SLC9A5: variants seen among roughly 807,000 people sequenced by gnomAD.
The protein encoded by SLC9A5 is sodium/hydrogen exchanger 5.
In SLC9A5, 52 loss-of-function variants were observed where a neutral mutation model predicts 91.7. The ratio of observed to expected loss-of-function variants is 0.57; its 90% CI spans 0.45 to 0.71. SLC9A5 has a LOEUF of 0.71. Among genes scored for constraint, SLC9A5 ranks in the 30% least tolerant of loss-of-function variants. The pLI, the probability that SLC9A5 is intolerant of heterozygous loss-of-function variation, is 0.00. For missense variants in SLC9A5, 871 were observed against 1,158.9 expected, an observed-to-expected ratio of 0.75 and a Z score of 3.61; for synonymous variants, 419 against 474.5, an observed-to-expected ratio of 0.88 and a Z score of 1.52.
At chr16:67,251,973 C>T (rs1209835007) in intron 1 of SLC9A5, among the ~76,000 whole-genome samples, 4 of 152,010 alleles carry the variant, frequency 2.6e-5, no homozygotes, top group Non-Finnish European at 5.9e-5. Context: ...AGGTGAGGTC[C>T]CCTGAGGATG....
chr16:67,250,473 T>A (rs1259737688), intron 1 of SLC9A5, among the ~76,000 whole-genome samples: 1 of 152,162 alleles, frequency 6.6e-6, no homozygotes, highest in African/African-American at 2.4e-5. Flanking sequence ...AGCCAACGAT[T>A]GGGTTTGCTA....
intron 14 of SLC9A5, 26 bp from the exon 15 acceptor site, chr16:67,266,062 C>T (rs1037935374): frequency 9.9e-6 from 16 of 1,608,592 alleles, no homozygotes; most frequent in Non-Finnish European, 1.0e-5. Context: ...CCCAGGATGC[C>T]TGACTCTGCT....
chr16:67,255,652 G>T lies in SLC9A5; in HGVS notation c.734-101G>T, dbSNP rs1457438670. On this transcript the variant is annotated intron_variant, in intron 4 of 15. Transcript: ENST00000299798. This position sits in a 1 kb window ranked among gnomAD's most constrained non-coding sequence, Gnocchi z 4.9. ...GCTCTGGGGTTTTGAGCCCCTGGGA[G>T]TGCGGTGGGCATCATCCCTCACTCC... 5.8e-6 allele frequency: 8 copies of T among 1,378,822 alleles called. 1 individual carries two copies. The African/African-American group carries it at 8.6e-5, about 15-fold the overall frequency. 85.4% of individuals were successfully genotyped at this position (1,378,822 alleles called of 1,614,324 possible). A position where few individuals can be genotyped will look rare whatever the true frequency, so the allele number is the denominator to read the frequency against.
rs535603749 is a variant in SLC9A5 at position 67,256,869 on chromosome 16, A to G, written c.1133-42A>G. 1.9e-6 allele frequency: 3 copies of G among 1,594,580 alleles called. No individual in the cohort carries two copies. Among genetic ancestry groups the G allele is most frequent in the African/African-American group, 1.3e-5 (1 of 74,366 alleles). On this transcript the variant is annotated intron_variant, in intron 6 of 15. Coordinates refer to ENST00000299798, the MANE Select transcript of SLC9A5 (RefSeq NM_004594.3). This position sits in a 1 kb window ranked among gnomAD's most constrained non-coding sequence, Gnocchi z 4.1. ...GGTCCCATCCGGTCCCACGTCCTCC[A>G]CTCCCAACGCTTTGCTCCCACTGGC...
chr16:67,264,393 G>A lies in SLC9A5; in HGVS notation c.1884G>A (p.Ala628=), dbSNP rs369514722. Residue 628 remains alanine, a synonymous_variant, in exon 13 of 16, where the codon GCG becomes GCA. Coordinates refer to ENST00000299798, the MANE Select transcript of SLC9A5 (RefSeq NM_004594.3). The stretch of plus-strand genomic sequence containing the variant: ...GTCGCCACTTCATCTCAGAGGATGC[G>A]CAGGAGCGGCAGGACAAGGAGGTCT... ...SCSRHFISED[A]QERQDKEVFQ... 6.8e-6 allele frequency: 11 copies of A among 1,614,000 alleles called. No homozygotes were observed. The African/African-American group carries it at 9.3e-5, about 14-fold the overall frequency.
At chr16:67,253,245 A>T (rs1216806193) in intron 2 of SLC9A5, among the ~76,000 whole-genome samples, 1 of 151,712 alleles carries the variant, frequency 6.6e-6, no homozygotes, top group Non-Finnish European at 1.5e-5. Context: ...TTCTGTTTTT[A>T]TTATTATTTT....
At chr16:67,267,814 C>A (rs905322481) in intron 15 of SLC9A5, among the ~76,000 whole-genome samples, 3 of 152,090 alleles carry the variant, frequency 2.0e-5, no homozygotes, top group African/African-American at 7.2e-5. Flanking sequence ...TAGAAAATTT[C>A]AAAATATACA....
At chr16:67,259,363 A>G (rs2035440674) in intron 10 of SLC9A5, among the ~76,000 whole-genome samples, 1 of 142,820 alleles carries the variant, frequency 7.0e-6, no homozygotes, top group Non-Finnish European at 1.5e-5. Flanking sequence ...CTCTGTCTCA[A>G]AAAAAAAAAA....
In SLC9A5 at chr16:67,255,231, C is replaced by T; in HGVS notation, c.654+47C>T. ...CCATTCCCTGACCCCAGGCTGCATG[C>T]TCTGACCAACTAGGGGTCTGCGCAG... On this transcript the variant is annotated intron_variant, in intron 3 of 15. Coordinates refer to ENST00000299798, the MANE Select transcript of SLC9A5 (RefSeq NM_004594.3). The surrounding 1 kb of genome is among the most constrained non-coding windows in gnomAD (Gnocchi z 4.9). 1 of 1,593,858 alleles carries T rather than the reference C, an allele frequency of 6.3e-7. No homozygotes were observed. The highest frequency in any genetic ancestry group is 8.6e-7 in the Non-Finnish European group (1 of 1,167,026).
chr16:67,256,062 G>T lies in SLC9A5; in HGVS notation c.911+132G>T. 3.1e-6 allele frequency: 3 copies of T among 980,448 alleles called. No homozygotes were observed. Among genetic ancestry groups the T allele is most frequent in the African/African-American group, 1.6e-5 (1 of 61,466 alleles). The allele number at this position is 980,448 out of a possible 1,614,324, so 60.7% of individuals were successfully genotyped here. ...AGCCCTTGTGGTAGTGGGAGCCTCA[G>T]ACTGTCCTGGGGAGTCAGTAAACCT... On this transcript the variant is annotated intron_variant, in intron 5 of 15. Coordinates refer to ENST00000299798, the MANE Select transcript of SLC9A5 (RefSeq NM_004594.3). The surrounding 1 kb of genome is among the most constrained non-coding windows in gnomAD (Gnocchi z 4.1).
rs1567421556 is a variant in SLC9A5 at position 67,268,691 on chromosome 16, TA to T, written c.2219-2046del. On this transcript the variant is annotated intron_variant, in intron 15 of 15. Coordinates refer to ENST00000299798, the MANE Select transcript of SLC9A5 (RefSeq NM_004594.3). ...ATATATATATATATATATATATATA[TA>T]TATATATATATATATATATTTTTAC... 9.7e-4 allele frequency among the ~76,000 whole-genome samples: 78 copies of T among 80,778 alleles called. 7 individuals carry two copies. Among genetic ancestry groups the T allele is most frequent in the African/African-American group, 5.4e-3 (70 of 12,850 alleles). 53.0% of individuals were successfully genotyped at this position (80,778 alleles called of 152,430 possible).
chr16:67,257,256 T>G lies in SLC9A5; in HGVS notation c.1336-89T>G. On this transcript the variant is annotated intron_variant, in intron 7 of 15. Transcript: ENST00000299798. This position sits in a 1 kb window ranked among gnomAD's most constrained non-coding sequence, Gnocchi z 5.1. ...GACCTTGAGTGCAGTGGGGTAGGGG[T>G]ACTGAAGCTGAAGCCTCATTACGGG... is the stretch of plus-strand genomic sequence containing the variant. The G allele has an allele frequency of 7.3e-7, 1 of 1,375,638 alleles. No individual in the cohort carries two copies. 85.2% of individuals were successfully genotyped at this position (1,375,638 alleles called of 1,614,324 possible). A position where few individuals can be genotyped will look rare whatever the true frequency, so the allele number is the denominator to read the frequency against.
chr16:67,252,500 A>G lies in SLC9A5; in HGVS notation c.188-42A>G, dbSNP rs1261640265. ...TTCATAGGCCTGTGTGTGGGAGGATATTCCATAAACTGATCCATCCTGCAC... is the reference window on the plus strand; with the variant it reads ...TTCATAGGCCTGTGTGTGGGAGGATGTTCCATAAACTGATCCATCCTGCAC... On this transcript the variant is annotated intron_variant, in intron 1 of 15. Coordinates refer to ENST00000299798, the MANE Select transcript of SLC9A5 (RefSeq NM_004594.3). The surrounding 1 kb of genome is among the most constrained non-coding windows in gnomAD (Gnocchi z 4.0). 6.5e-7 allele frequency: 1 copy of G among 1,531,200 alleles called. No individual in the cohort carries two copies. The highest frequency in any genetic ancestry group is 1.8e-5 in the Admixed American group (1 of 55,208). The allele number at this position is 1,531,200 out of a possible 1,614,324, so 94.9% of individuals were successfully genotyped here.
At chr16:67,267,754 A>C (rs1488987993) in intron 15 of SLC9A5, among the ~76,000 whole-genome samples, 5 of 152,212 alleles carry the variant, frequency 3.3e-5, no homozygotes. Context: ...TCATATTGTT[A>C]GTATCACTGG....
In SLC9A5 at chr16:67,259,663, T is replaced by C. The variant is rs763008923; in HGVS notation, c.1715+2T>C. ...AGAAACTTCTGTCACCAACCTGCTG[T>C]GAGTCCTTGAGCCCCTTCCCCTTCC... On this transcript the variant is annotated splice_donor_variant, in intron 11 of 15. Coordinates refer to ENST00000299798, the MANE Select transcript of SLC9A5 (RefSeq NM_004594.3). LOFTEE classifies it high-confidence loss of function. 4 of 1,613,820 alleles carry C rather than the reference T, an allele frequency of 2.5e-6. No individual in the cohort carries two copies. The highest frequency in any genetic ancestry group is 3.3e-5 in the Admixed American group (2 of 60,024).
rs371862354 is a variant in SLC9A5 at position 67,256,171 on chromosome 16, T to G, written c.911+241T>G. 6.6e-6 allele frequency among the ~76,000 whole-genome samples: 1 copy of G among 152,116 alleles called. No individual in the cohort carries two copies. The highest frequency in any genetic ancestry group is 2.1e-4 in the South Asian group (1 of 4,820). On this transcript the variant is annotated intron_variant, in intron 5 of 15. Coordinates refer to ENST00000299798, the MANE Select transcript of SLC9A5 (RefSeq NM_004594.3). The surrounding 1 kb of genome is among the most constrained non-coding windows in gnomAD (Gnocchi z 4.1). ...TGTAGGCTGGGCTGGAAGTAGACTT[T>G]AAGGCCTGGGGCCACCAGCTCTGGA...
At chr16:67,269,396 C>T (rs750448933) in intron 15 of SLC9A5, among the ~76,000 whole-genome samples, 16 of 152,158 alleles carry the variant, frequency 1.1e-4, no homozygotes, top group Non-Finnish European at 2.4e-4. Flanking sequence ...CGTGCCTCTA[C>T]ACTCTAGCCT....
In SLC9A5 at chr16:67,258,747, A is replaced by G. The variant is rs2035410312; in HGVS notation, c.1626+300A>G. ...CTCTGAGCCTGTTTCCTTAGCTGTAAGAAAGCAGGCATAAGAGGCTGGGCA... is the reference window on the plus strand; with the variant it reads ...CTCTGAGCCTGTTTCCTTAGCTGTAGGAAAGCAGGCATAAGAGGCTGGGCA... On this transcript the variant is annotated intron_variant, in intron 10 of 15. Transcript: ENST00000299798. The surrounding 1 kb of genome is among the most constrained non-coding windows in gnomAD (Gnocchi z 4.5). Among the ~76,000 whole-genome samples the G allele has an allele frequency of 1.3e-5, 2 of 152,200 alleles. No homozygotes were observed. Among genetic ancestry groups the G allele is most frequent in the African/African-American group, 4.8e-5 (2 of 41,458 alleles).
At chr16:67,250,079 G>T (rs900343003) in intron 1 of SLC9A5, among the ~76,000 whole-genome samples, 1 of 152,148 alleles carries the variant, frequency 6.6e-6, no homozygotes, top group African/African-American at 2.4e-5. Context: ...CCCCATGGAT[G>T]CTGGCACAGC....
Sources: gnomAD v4.1 joint callset for allele counts (sites outside exome capture counted in the v4.1 genomes callset) on GRCh38, gnomAD v4.1.1 for gene constraint, Gnocchi (gnomAD v3.1) non-coding constraint, MANE v1.5 for transcripts, NCBI Gene and HGNC (gene_info 2026-07-23, HGNC 2026-07-21) for gene names.